SLC38A8: variants seen among roughly 807,000 people sequenced by gnomAD.
The protein encoded by SLC38A8 is amino acid transporter SLC38A8.
In SLC38A8, 65 loss-of-function variants were observed where a neutral mutation model predicts 46.0. The observed-to-expected ratio is 1.41, with a 90% CI of 1.16 to 1.74. SLC38A8 has a LOEUF of 1.74. Ranked by LOEUF, SLC38A8 falls within the 40% of genes most tolerant of loss-of-function variation. SLC38A8 has a pLI of 0.00. For synonymous variants in SLC38A8, 447 were observed against 243.7 expected (o/e 1.83, Z -7.77); for missense variants, 998 against 567.9 (o/e 1.76, Z -7.70).
chr16:84,021,531 T>G (rs1173265679), intron 7 of SLC38A8, among the ~76,000 whole-genome samples: 1 of 152,204 alleles, frequency 6.6e-6, no homozygotes, highest in African/African-American at 2.4e-5. Flanking sequence ...CTATCCATAT[T>G]TCCATGACTA....
rs531844037 is a variant in SLC38A8 at position 84,013,189 on chromosome 16, G to T, written c.1163-137C>A. 3.8e-5 allele frequency: 32 copies of T among 853,068 alleles called. No individual in the cohort carries two copies. In the African/African-American group the frequency reaches 4.2e-4, roughly 11 times the overall value. The allele number at this position is 853,068 out of a possible 1,614,324, so 52.8% of individuals were successfully genotyped here. The stretch of plus-strand genomic sequence containing the variant: ...GGGTGCCCCTGGCTCAGGCCCCCTG[G>T]AGAGGCAACACAGTGGAGCTGGAAG... On this transcript the variant is annotated intron_variant, in intron 9 of 10. Transcript: ENST00000299709.
chr16:84,025,831 C>T (rs565209350), intron 6 of SLC38A8, among the ~76,000 whole-genome samples: 1 of 152,370 alleles, frequency 6.6e-6, no homozygotes, highest in Admixed American at 6.5e-5. Flanking sequence ...TCCGCTGGCG[C>T]GTTGACCTCA....
At chr16:84,020,452 G>A (rs1263241080) in intron 7 of SLC38A8, among the ~76,000 whole-genome samples, 1 of 152,180 alleles carries the variant, frequency 6.6e-6, no homozygotes, top group Non-Finnish European at 1.5e-5. Flanking sequence ...CTGGCCTGAA[G>A]AACATCTTTT....
chr16:84,040,627 G>T (rs1411041558), intron 2 of SLC38A8, among the ~76,000 whole-genome samples: 1 of 152,192 alleles, frequency 6.6e-6, no homozygotes, highest in Non-Finnish European at 1.5e-5. Context: ...TGTAATGGCA[G>T]GCTTCCTGAC....
chr16:84,037,693 G>A (rs530823848), intron 2 of SLC38A8, among the ~76,000 whole-genome samples: 21 of 151,770 alleles, frequency 1.4e-4, no homozygotes, highest in African/African-American at 4.4e-4. Context: ...CCTGGGAGGC[G>A]GACGTTGCAG....
At chr16:84,039,264 C>T (rs772996113) in intron 2 of SLC38A8, among the ~76,000 whole-genome samples, 4 of 152,286 alleles carry the variant, frequency 2.6e-5, no homozygotes, top group East Asian at 3.9e-4. Context: ...TTAAGCCCTA[C>T]GTTTTGTGGT....
chr16:84,033,134 G>A (rs62045931), intron 4 of SLC38A8, among the ~76,000 whole-genome samples, 194 bp downstream of exon 4: 32,624 of 152,144 alleles, frequency 0.21, 3,931 homozygotes, highest in East Asian at 0.37. Context: ...CGTTGTTACA[G>A]GTCATTTTCT....
intron 2 of SLC38A8, 86 bp from the exon 3 acceptor site, chr16:84,036,986 C>A: frequency 7.5e-7 from 1 of 1,339,656 alleles, no homozygotes. Flanking sequence ...ACACTCTCCA[C>A]ATGGCTTCTC....
chr16:84,022,900 G>A lies in SLC38A8; in HGVS notation c.691-11C>T, dbSNP rs767994598. ...GGCAGCTTCGTGACACTGTAAGACA[G>A]AGGGCGGCTCAGCAGGATGCTGGCT... is the stretch of plus-strand genomic sequence containing the variant. On this transcript the variant is annotated splice_polypyrimidine_tract_variant and intron_variant, in intron 6 of 10. Coordinates refer to ENST00000299709, the MANE Select transcript of SLC38A8 (RefSeq NM_001080442.3). 7.6e-6 allele frequency: 12 copies of A among 1,574,366 alleles called. No individual in the cohort carries two copies. The highest frequency in any genetic ancestry group is 1.2e-5 in the South Asian group (1 of 84,966).
chr16:84,025,962 A>C (rs1213069065), intron 6 of SLC38A8, among the ~76,000 whole-genome samples: 1 of 152,136 alleles, frequency 6.6e-6, no homozygotes, highest in Non-Finnish European at 1.5e-5. Flanking sequence ...GGCTCACCCC[A>C]CACTCTCAGG....
In SLC38A8 at chr16:84,013,055, G is replaced by T. The variant is rs371927266; in HGVS notation, c.1163-3C>A. ...CATTGCACAGATGAGGCACAAACCT[G>T]CAAAAAAGACAGGGTCACCCACAGT... On this transcript the variant is annotated splice_region_variant and splice_polypyrimidine_tract_variant and intron_variant, in intron 9 of 10. Transcript: ENST00000299709. 1 of 1,613,162 alleles carries T rather than the reference G, an allele frequency of 6.2e-7. No individual in the cohort carries two copies. The highest frequency in any genetic ancestry group is 8.5e-7 in the Non-Finnish European group (1 of 1,179,660).
intron 6 of SLC38A8, among the ~76,000 whole-genome samples, chr16:84,025,280 C>T (rs1230130287): frequency 6.6e-6 from 1 of 152,168 alleles, no homozygotes; most frequent in Non-Finnish European, 1.5e-5. Context: ...CTCATTCCTG[C>T]CCGCCCTGTA....
Position 84,013,052 on chromosome 16 carries a change from C to A in SLC38A8, c.1163G>T (p.Gly388Val), listed in dbSNP as rs2084972997. 6.2e-7 allele frequency: 1 copy of A among 1,613,662 alleles called. No individual in the cohort carries two copies. Among genetic ancestry groups the A allele is most frequent in the East Asian group, 2.2e-5 (1 of 44,884 alleles). Residue 388 changes from glycine (G) to valine (V), a missense_variant and splice_region_variant, in exon 10 of 11, where the codon GGT (glycine) becomes GTT (valine). Gly to Val is a moderately radical substitution (Grantham distance 109). Transcript: ENST00000299709. Reference protein sequence around the residue: ...ISSFFIFIFPGLCLICAMGVE... With the variant: ...ISSFFIFIFPVLCLICAMGVE... ...ACCCATTGCACAGATGAGGCACAAA[C>A]CTGCAAAAAAGACAGGGTCACCCAC...
intron 9 of SLC38A8, among the ~76,000 whole-genome samples, chr16:84,015,776 G>C (rs2085017961): frequency 6.6e-6 from 1 of 152,154 alleles, no homozygotes; most frequent in Non-Finnish European, 1.5e-5. Flanking sequence ...CGCAATCTTG[G>C]CTCCCTGCAA....
At chr16:84,035,782 A>G (rs2085293610) in intron 3 of SLC38A8, among the ~76,000 whole-genome samples, 1 of 152,272 alleles carries the variant, frequency 6.6e-6, no homozygotes, top group Admixed American at 6.5e-5. Flanking sequence ...AGAGTTTCAA[A>G]GACCACGAAC....
At chr16:84,038,894 A>T (rs528473591) in intron 2 of SLC38A8, among the ~76,000 whole-genome samples, 5 of 152,240 alleles carry the variant, frequency 3.3e-5, no homozygotes, top group African/African-American at 1.2e-4. Flanking sequence ...CAATTAGCTG[A>T]GCATGGTGGT....
Position 84,012,945 on chromosome 16 carries a change from T to C in SLC38A8, c.1214+56A>G, listed in dbSNP as rs1389424235. 4.4e-6 allele frequency: 7 copies of C among 1,587,502 alleles called. No individual in the cohort carries two copies. The African/African-American group carries it at 6.7e-5, about 15-fold the overall frequency. ...AGGATCTGCAGGGTCCCCTGAAACA[T>C]TCTTACTCTGATCCGGGGCACACCC... On this transcript the variant is annotated intron_variant, in intron 10 of 10. Coordinates refer to ENST00000299709, the MANE Select transcript of SLC38A8 (RefSeq NM_001080442.3).
intron 2 of SLC38A8, among the ~76,000 whole-genome samples, chr16:84,039,470 T>A (rs2151130022): frequency 6.6e-6 from 1 of 152,004 alleles, no homozygotes; most frequent in Non-Finnish European, 1.5e-5. Flanking sequence ...GGGGGCCGGG[T>A]ACGGTGGCTC....
At chr16:84,041,830 C>T (rs2151131545) in intron 2 of SLC38A8, 139 bp downstream of exon 2, 4 of 766,422 alleles carry the variant, frequency 5.2e-6, no homozygotes, top group East Asian at 2.6e-5. Context: ...CCCTCATTAG[C>T]TGAGCGGGAT....
Sources: gnomAD v4.1 joint callset for allele counts (sites outside exome capture counted in the v4.1 genomes callset) on GRCh38, gnomAD v4.1.1 for gene constraint, MANE v1.5 for transcripts, NCBI Gene and HGNC (gene_info 2026-07-23, HGNC 2026-07-21) for gene names.